Variants in ZNF185 observed in about 807,000 individuals in gnomAD.
The protein encoded by ZNF185 is zinc finger protein 185 with LIM domain, also known as zinc finger protein 185.
Under a neutral mutation model 58.6 loss-of-function variants are expected in ZNF185, and 56 were observed. The ratio of observed to expected loss-of-function variants is 0.95; its 90% CI spans 0.77 to 1.19. The LOEUF (loss-of-function observed/expected upper bound fraction) is 1.19. ZNF185 is among the 50% of genes most tolerant of loss of function. The pLI, the probability that ZNF185 is intolerant of heterozygous loss-of-function variation, is 0.00. For missense variants in ZNF185, 627 were observed against 573.5 expected (o/e 1.09, Z -0.95); for synonymous variants, 230 against 215.9 (o/e 1.07, Z -0.57).
chrX:152,964,781 G>T lies in ZNF185; in HGVS notation c.1719-666G>T, dbSNP rs1321349345. On this transcript the variant is annotated intron_variant, in intron 18 of 22. Coordinates refer to ENST00000449285, the Ensembl canonical transcript of ZNF185. ...GTGTGTGTGTTGGGGGCGGGAGGGG[G>T]GCATATCCAAGGGGGCCTCTGCAGA... Among the ~76,000 whole-genome samples the T allele has an allele frequency of 2.7e-5, 3 of 110,367 alleles. No homozygotes were observed. The Admixed American group carries it at 2.9e-4, about 11-fold the overall frequency.
At chrX:152,945,554 T>G in intron 16 of ZNF185, 90 bp downstream of exon 18, 2 of 997,671 alleles carry the variant, frequency 2.0e-6, no homozygotes, top group Non-Finnish European at 2.7e-6. Context: ...CCCCACACCC[T>G]GTGCCAATAC....
chrX:152,959,791 A>G, exon 17 of ZNF185: 1 of 1,211,232 alleles, frequency 8.3e-7, no homozygotes, highest in African/African-American at 1.7e-5. Flanking sequence ...GGCCAAGGAG[A>G]CCCAGCTGTA....
intron 16 of ZNF185, among the ~76,000 whole-genome samples, chrX:152,955,013 G>A (rs975197543): frequency 9.0e-6 from 1 of 111,338 alleles, no homozygotes; most frequent in Admixed American, 9.5e-5. Flanking sequence ...GGTACAGAAC[G>A]GCTGGATTGG....
At chrX:152,938,098 T>C (rs370998338) in exon 15 of ZNF185, 1 of 1,181,873 alleles carries the variant, frequency 8.5e-7, no homozygotes, top group Non-Finnish European at 1.1e-6. Flanking sequence ...CAGTCTCTGC[T>C]GTCCCTGCTG....
intron 16 of ZNF185, among the ~76,000 whole-genome samples, chrX:152,956,136 A>G (rs1251437527): frequency 8.9e-6 from 1 of 111,782 alleles, no homozygotes; most frequent in Non-Finnish European, 1.9e-5. Flanking sequence ...CTGCATGCAA[A>G]CATTTGAAAC....
chrX:152,940,673 G>C (rs1337018448), intron 15 of ZNF185, among the ~76,000 whole-genome samples: 1 of 112,161 alleles, frequency 8.9e-6, no homozygotes, highest in South Asian at 3.6e-4. Flanking sequence ...TCTCAGATCA[G>C]AAAAAGTCCT....
intron 16 of ZNF185, among the ~76,000 whole-genome samples, chrX:152,947,944 C>A (rs1402149114): frequency 1.8e-5 from 2 of 111,571 alleles, no homozygotes; most frequent in East Asian, 5.6e-4. Flanking sequence ...CCCCTAAAAC[C>A]CTAGCTGAAT....
intron 16 of ZNF185, among the ~76,000 whole-genome samples, chrX:152,950,787 C>T (rs1446757874): frequency 1.8e-5 from 2 of 111,648 alleles, no homozygotes; most frequent in Non-Finnish European, 3.8e-5. Context: ...CAGGAGTTCT[C>T]GAACATTTGA....
At chrX:152,963,874 C>T (rs782307835) in exon 18 of ZNF185, 4 of 1,211,784 alleles carry the variant, frequency 3.3e-6, no homozygotes, top group African/African-American at 1.7e-5. Flanking sequence ...GTCACTGTTA[C>T]TGTCACTGCC....
At chrX:152,930,437 G>C (rs1394088288) in intron 12 of ZNF185, among the ~76,000 whole-genome samples, 2 of 111,560 alleles carry the variant, frequency 1.8e-5, no homozygotes, top group East Asian at 2.9e-4. Flanking sequence ...TGGGGCTCAT[G>C]GTGAGCCAAT....
chrX:152,968,847 C>T (rs781833391), intron 20 of ZNF185, among the ~76,000 whole-genome samples: 1 of 112,389 alleles, frequency 8.9e-6, no homozygotes. Context: ...GAAAGATGCT[C>T]AACCCAGGAG....
chrX:152,969,827 C>G (rs1478549712), intron 21 of ZNF185, among the ~76,000 whole-genome samples: 3 of 112,577 alleles, frequency 2.7e-5, no homozygotes, highest in Non-Finnish European at 5.6e-5. Context: ...GGGAGAATGC[C>G]AGGAGTGACA....
chrX:152,969,462 G>C, exon 21 of ZNF185: 1 of 1,205,734 alleles, frequency 8.3e-7, no homozygotes, highest in South Asian at 1.8e-5. Flanking sequence ...CTTGGTATCT[G>C]CTGCCATGAA....
chrX:152,945,233 C>T (rs1019559716), intron 15 of ZNF185, 34 bp from the exon 18 acceptor site: 1 of 1,175,283 alleles, frequency 8.5e-7, no homozygotes, highest in Non-Finnish European at 1.1e-6. Flanking sequence ...AGTTTCAGAG[C>T]ACTTTTTTCA....
chrX:152,973,036 A>G (rs1050683190), exon 23 of ZNF185: 6 of 111,369 alleles, frequency 5.4e-5, no homozygotes, highest in Non-Finnish European at 1.1e-4. Context: ...CTAAATACCA[A>G]CTGCTCTTCC....
exon 23 of ZNF185, chrX:152,973,379 G>A (rs1304973528): frequency 8.9e-6 from 1 of 112,638 alleles, no homozygotes; most frequent in Non-Finnish European, 1.9e-5. Flanking sequence ...GAAGAGGGAT[G>A]CATTACCTTT....
intron 20 of ZNF185, among the ~76,000 whole-genome samples, chrX:152,968,619 T>G (rs1374499264): frequency 1.8e-5 from 2 of 112,693 alleles, no homozygotes; most frequent in African/African-American, 3.2e-5. Context: ...ACACCCAAGC[T>G]GCCCGTGACA....
At chrX:152,970,940 T>G (rs1278509206) in intron 22 of ZNF185, among the ~76,000 whole-genome samples, 3 of 111,915 alleles carry the variant, frequency 2.7e-5, no homozygotes, top group Non-Finnish European at 5.6e-5. Flanking sequence ...CAGGGCTCTC[T>G]GTTCACTGTC....
At chrX:152,918,372 G>A (rs1387040676) in intron 6 of ZNF185, among the ~76,000 whole-genome samples, 1 of 113,029 alleles carries the variant, frequency 8.8e-6, no homozygotes, top group Admixed American at 9.3e-5. Flanking sequence ...CGTCTGATCC[G>A]AGGCAGAGCG....
Sources: gnomAD v4.1 joint callset for allele counts (sites outside exome capture counted in the v4.1 genomes callset) on GRCh38, gnomAD v4.1.1 for gene constraint, MANE v1.5 for transcripts, NCBI Gene and HGNC (gene_info 2026-07-23, HGNC 2026-07-21) for gene names.